The following SGCZ variants were observed in gnomAD, a reference collection of about 807,000 sequenced individuals.
The protein encoded by SGCZ is sarcoglycan zeta.
Under a neutral mutation model 41.3 loss-of-function variants are expected in SGCZ, and 40 were observed. The observed-to-expected ratio is 0.97, with a 90% CI of 0.75 to 1.26. The LOEUF is 1.26. Ranked by LOEUF, SGCZ falls within the 50% of genes most tolerant of loss-of-function variation. SGCZ has a pLI of 0.00. For synonymous variants in SGCZ, 206 were observed against 137.5 expected (o/e 1.50, Z -3.49); for missense variants, 552 against 369.8 (o/e 1.49, Z -4.04).
At chr8:14,766,433 A>T (rs577950205) in intron 1 of SGCZ, among the ~76,000 whole-genome samples, 22 of 152,158 alleles carry the variant, frequency 1.4e-4, no homozygotes, top group Non-Finnish European at 2.8e-4. Flanking sequence ...CGTCTTAAAG[A>T]TAGGATTATA....
intron 1 of SGCZ, among the ~76,000 whole-genome samples, chr8:15,218,388 T>A (rs967421231): frequency 2.0e-5 from 3 of 152,224 alleles, no homozygotes; most frequent in South Asian, 4.1e-4. Flanking sequence ...TTTTAATGCA[T>A]GCAGAACACA....
chr8:14,199,059 T>C (rs1390344380), intron 4 of SGCZ, among the ~76,000 whole-genome samples: 1 of 152,202 alleles, frequency 6.6e-6, no homozygotes. Context: ...ACAGCAATGT[T>C]CAGGGAACAA....
chr8:14,556,769 T>C (rs1250320647), intron 1 of SGCZ, among the ~76,000 whole-genome samples: 2 of 152,108 alleles, frequency 1.3e-5, no homozygotes, highest in Non-Finnish European at 2.9e-5. Flanking sequence ...GCAAATGCCA[T>C]TAATTCCTTC....
intron 1 of SGCZ, among the ~76,000 whole-genome samples, chr8:14,911,380 A>C (rs1000097127): frequency 3.9e-5 from 6 of 152,052 alleles, no homozygotes; most frequent in Non-Finnish European, 1.5e-5. Flanking sequence ...AGGAAAAGAC[A>C]GCATCAAAAG....
chr8:14,498,428 T>A (rs533480023), intron 2 of SGCZ, among the ~76,000 whole-genome samples: 1 of 152,228 alleles, frequency 6.6e-6, no homozygotes, highest in African/African-American at 2.4e-5. Flanking sequence ...GCTATCATAA[T>A]GCAATATGAG....
intron 2 of SGCZ, among the ~76,000 whole-genome samples, chr8:14,548,069 C>A (rs1196878954): frequency 6.6e-6 from 1 of 152,104 alleles, no homozygotes; most frequent in Non-Finnish European, 1.5e-5. Context: ...TAGTATATGT[C>A]AGGTACTTCT....
chr8:14,794,877 G>C (rs916428476), intron 1 of SGCZ, among the ~76,000 whole-genome samples: 1 of 152,164 alleles, frequency 6.6e-6, no homozygotes, highest in Non-Finnish European at 1.5e-5. Flanking sequence ...ATTGAGTCAA[G>C]AAATGCCTTT....
intron 1 of SGCZ, among the ~76,000 whole-genome samples, chr8:14,606,981 A>G (rs1805771021): frequency 6.6e-6 from 1 of 152,188 alleles, no homozygotes; most frequent in Admixed American, 6.5e-5. Flanking sequence ...CTACTAGTAC[A>G]TGATACTGTT....
chr8:14,940,161 T>C (rs909073714), intron 1 of SGCZ, among the ~76,000 whole-genome samples: 7 of 152,108 alleles, frequency 4.6e-5, no homozygotes, highest in Non-Finnish European at 8.8e-5. Context: ...CAAAATAGCA[T>C]AACAACCCAA....
intron 1 of SGCZ, among the ~76,000 whole-genome samples, chr8:15,225,135 C>T (rs191797921): frequency 6.6e-6 from 1 of 152,246 alleles, no homozygotes; most frequent in Non-Finnish European, 1.5e-5. Context: ...AAAACATACA[C>T]ACTCTTTTCA....
chr8:14,680,251 C>T (rs987737576), intron 1 of SGCZ, among the ~76,000 whole-genome samples: 3 of 152,056 alleles, frequency 2.0e-5, no homozygotes, highest in African/African-American at 4.8e-5. Flanking sequence ...AGTGAAACTG[C>T]TCTGTATGAT....
intron 1 of SGCZ, among the ~76,000 whole-genome samples, chr8:14,770,365 G>A (rs1045669420): frequency 9.2e-5 from 14 of 151,372 alleles, no homozygotes. Context: ...ATTATTTTGT[G>A]TGTTGAATAA....
At chr8:14,090,663 T>C in intron 7 of SGCZ, 26 bp from the exon 8 acceptor site, 1 of 1,596,302 alleles carries the variant, frequency 6.3e-7, no homozygotes, top group Non-Finnish European at 8.5e-7. Context: ...AATTGCATTT[T>C]AATTCATTTT....
chr8:14,206,429 A>G (rs769699385), intron 4 of SGCZ, among the ~76,000 whole-genome samples: 2 of 152,206 alleles, frequency 1.3e-5, no homozygotes, highest in African/African-American at 4.8e-5. Context: ...AGTACACACA[A>G]AACTATTCAC....
intron 4 of SGCZ, among the ~76,000 whole-genome samples, chr8:14,177,675 A>ATTTTTTTTTTTTTT (rs1193141913): frequency 6.3e-5 from 7 of 111,334 alleles, no homozygotes; most frequent in Non-Finnish European, 1.1e-4. Context: ...ACGCCCTGCT[A>ATTTTTTTTTTTTTT]TTTTTTTTTT....
At chr8:15,032,417 G>T (rs1434112255) in intron 1 of SGCZ, among the ~76,000 whole-genome samples, 3 of 152,156 alleles carry the variant, frequency 2.0e-5, no homozygotes, top group Non-Finnish European at 2.9e-5. Flanking sequence ...AAAGGGGAAG[G>T]AGAGTGAAGA....
chr8:14,459,226 T>A lies in SGCZ; in HGVS notation c.234+95506A>T, dbSNP rs889760044. 3.3e-4 allele frequency among the ~76,000 whole-genome samples: 50 copies of A among 151,804 alleles called. 1 individual carries two copies. The highest frequency in any genetic ancestry group is 1.1e-3 in the African/African-American group (47 of 41,394). On this transcript the variant is annotated intron_variant, in intron 2 of 7. Transcript: ENST00000382080. ...GGTGGGAATTGAACAATGAGAACAC[T>A]TGGACACAGGAAGGGGAACACCACA... is the stretch of plus-strand genomic sequence containing the variant.
chr8:14,216,813 C>G (rs1275610244), intron 4 of SGCZ, among the ~76,000 whole-genome samples: 2 of 152,110 alleles, frequency 1.3e-5, no homozygotes, highest in African/African-American at 4.8e-5. Context: ...ACAAGAAAAG[C>G]ATGTTATCTT....
chr8:14,355,783 A>C lies in SGCZ; in HGVS notation c.235-31579T>G, dbSNP rs1200651470. On this transcript the variant is annotated intron_variant, in intron 2 of 7. Transcript: ENST00000382080. ...AGTGTACCCAGTTGTGGGATTATCC[A>C]AGGAAATAGGCATATTAAATACAAG... 2.6e-5 allele frequency among the ~76,000 whole-genome samples: 4 copies of C among 152,086 alleles called. No individual in the cohort carries two copies. In the East Asian group the frequency reaches 7.8e-4, roughly 29 times the overall value.
Sources: allele counts gnomAD v4.1 joint callset (sites outside exome capture counted in the v4.1 genomes callset), GRCh38; gene constraint gnomAD v4.1.1; transcripts MANE v1.5; gene names NCBI Gene and HGNC (gene_info 2026-07-23, HGNC 2026-07-21).